CC2D1B: variants seen among roughly 807,000 people sequenced by gnomAD.
The protein encoded by CC2D1B is coiled-coil and C2 domain containing 1B, also known as coiled-coil and C2 domain-containing protein 1B.
A neutral mutation model predicts 110.8 loss-of-function variants in CC2D1B; 92 were observed. The ratio of observed to expected loss-of-function variants is 0.83; its 90% CI spans 0.70 to 0.99. CC2D1B has a LOEUF of 0.99. CC2D1B is among the 50% of genes least tolerant of loss of function. CC2D1B has a pLI of 0.00. For synonymous variants in CC2D1B, 406 were observed against 429.2 expected (o/e 0.95, Z 0.67); for missense variants, 1,136 against 1,089.0 (o/e 1.04, Z -0.61).
chr1:52,357,679 C>A lies in CC2D1B; in HGVS notation c.1599G>T (p.Leu533=). Residue 533 remains leucine (L), a synonymous_variant, in exon 15 of 25, where the codon CTG becomes CTT. Coordinates refer to ENST00000284376, the MANE Select transcript of CC2D1B (RefSeq NM_001330585.2). The stretch of plus-strand genomic sequence containing the variant: ...GATACTGCAGTTTCCGTGCCTCCAG[C>A]AGTGCCAGCTGCTCCCGCACTGAAG... ...PSPSVREQLA[L]LEARKLQYQR... The A allele has an allele frequency of 6.2e-7, 1 of 1,604,952 alleles. No homozygotes were observed. Among genetic ancestry groups the A allele is most frequent in the Non-Finnish European group, 8.5e-7 (1 of 1,175,700 alleles).
intron 16 of CC2D1B, 184 bp from the exon 17 acceptor site, chr1:52,356,626 TTTCTC>T (rs1291521018): frequency 1.5e-6 from 1 of 654,342 alleles, no homozygotes; most frequent in South Asian, 1.9e-5. Flanking sequence ...CTTTTGTCAT[TTTCTC>T]TTCTGAGGAG....
intron 2 of CC2D1B, among the ~76,000 whole-genome samples, chr1:52,363,551 T>C (rs1337389805): frequency 6.6e-6 from 1 of 152,228 alleles, no homozygotes; most frequent in African/African-American, 2.4e-5. Flanking sequence ...TCCACAGAAC[T>C]GTTTTCATGT....
intron 15 of CC2D1B, 108 bp from the exon 16 acceptor site, chr1:52,357,234 T>G: frequency 7.5e-7 from 1 of 1,338,098 alleles, no homozygotes; most frequent in Non-Finnish European, 1.0e-6. Context: ...TCTACTAAAG[T>G]CCAGTGATGA....
chr1:52,362,486 G>A, intron 3 of CC2D1B, 116 bp downstream of exon 3: 4 of 1,245,496 alleles, frequency 3.2e-6, no homozygotes, highest in Non-Finnish European at 4.6e-6. Flanking sequence ...CGGCAGATGG[G>A]TATTGGAAGG....
chr1:52,354,507 TTAAG>T, intron 23 of CC2D1B, 97 bp downstream of exon 23: 1 of 972,208 alleles, frequency 1.0e-6, no homozygotes, highest in Non-Finnish European at 1.7e-6. Context: ...GAATTTCAAA[TTAAG>T]TAATGAGCAC....
At position 52,354,826 on chromosome 1, in the gene CC2D1B, G is replaced by A. The variant is rs374849367; in HGVS notation, c.2339+14C>T. ...TCCCGGCCCGTGTGGCAGCATGACC[G>A]ATAGGAGCCTCACCCTTTGTGGAAG... On this transcript the variant is annotated intron_variant, in intron 22 of 24. Coordinates refer to ENST00000284376, the MANE Select transcript of CC2D1B (RefSeq NM_001330585.2). 165 of 1,611,976 alleles carry A rather than the reference G, an allele frequency of 1.0e-4. No homozygotes were observed. Among genetic ancestry groups the A allele is most frequent in the South Asian group, 1.9e-4 (17 of 91,040 alleles).
intron 8 of CC2D1B, 30 bp from the exon 9 acceptor site, chr1:52,359,564 G>A (rs1405856717): frequency 6.2e-7 from 1 of 1,609,512 alleles, no homozygotes; most frequent in South Asian, 1.1e-5. Flanking sequence ...AGGTGTGGGT[G>A]AAAGACAGGG....
chr1:52,362,853 C>CT, intron 2 of CC2D1B, 107 bp from the exon 3 acceptor site: 1 of 1,108,072 alleles, frequency 9.0e-7, no homozygotes, highest in African/African-American at 1.6e-5. Context: ...CTCCTTCAGT[C>CT]TGTGAGGCCC....
At position 52,354,633 on chromosome 1, in the gene CC2D1B, T is replaced by A. The variant is rs773135163; in HGVS notation, c.2405A>T (p.Glu802Val). ...CTCCACAATTTCTCTGATCTCACAC[T>A]CATTCTCCAGCCGCTCCAGTTTCAG... Reference protein sequence around the residue: ...AHLKLERLENECEIREIVEVL... With the variant: ...AHLKLERLENVCEIREIVEVL... The change falls in exon 23 of 25, where the codon GAG (glutamate) becomes GTG (valine). Residue 802 changes from glutamate (E) to valine (V), a missense_variant. By Grantham distance (121) the Glu-to-Val change is moderately radical. Coordinates refer to ENST00000284376, the MANE Select transcript of CC2D1B (RefSeq NM_001330585.2). 19 of 1,614,202 alleles carry A rather than the reference T, an allele frequency of 1.2e-5. No individual in the cohort carries two copies. The South Asian group carries it at 1.8e-4, about 15-fold the overall frequency.
rs749316468 is a variant in CC2D1B at position 52,355,358 on chromosome 1, ACT to A, written c.2239+38_2239+39del. ...CTGGAAACACCAGTGCTGCCCACAC[ACT>A]CTGAGGGAGGAGAAAGAGGCCCACG... On this transcript the variant is annotated intron_variant, in intron 21 of 24. Coordinates refer to ENST00000284376, the MANE Select transcript of CC2D1B (RefSeq NM_001330585.2). 3.1e-6 allele frequency: 5 copies of A among 1,607,004 alleles called. No individual in the cohort carries two copies. The African/African-American group carries it at 6.7e-5, about 22-fold the overall frequency.
rs1244456257 is a variant in CC2D1B, at chr1:52,352,652, T to C, written c.*573A>G. The C allele has an allele frequency of 6.6e-6, 1 of 152,554 alleles. No individual in the cohort carries two copies. The highest frequency in any genetic ancestry group is 6.5e-5 in the Admixed American group (1 of 15,272). 9.5% of individuals were successfully genotyped at this position (152,554 alleles called of 1,614,324 possible). A position where few individuals can be genotyped will look rare whatever the true frequency, so the allele number is the denominator to read the frequency against. On this transcript the variant is annotated 3_prime_UTR_variant, in exon 25 of 25. Coordinates refer to ENST00000284376, the MANE Select transcript of CC2D1B (RefSeq NM_001330585.2). Reference sequence around the variant, plus strand: ...CCCACCAAGTAGTACCAAAAACAACTTTCCCCCTCCACTAAGTCCTTAGGG... The same window carrying C: ...CCCACCAAGTAGTACCAAAAACAACCTTCCCCCTCCACTAAGTCCTTAGGG...
rs1220768981 is a variant in CC2D1B at position 52,352,642 on chromosome 1, C to CA, written c.*582dup. 2.0e-5 allele frequency: 3 copies of CA among 152,468 alleles called. No individual in the cohort carries two copies. Among genetic ancestry groups the CA allele is most frequent in the African/African-American group, 7.3e-5 (3 of 41,374 alleles). The allele number at this position is 152,468 out of a possible 1,614,324, so 9.4% of individuals were successfully genotyped here. ...CCCCTTACTTCCCACCAAGTAGTAC[C>CA]AAAAACAACTTTCCCCCTCCACTAA... On this transcript the variant is annotated 3_prime_UTR_variant, in exon 25 of 25. Coordinates refer to ENST00000284376, the MANE Select transcript of CC2D1B (RefSeq NM_001330585.2).
rs1306631110 is a variant in CC2D1B at position 52,355,419 on chromosome 1, C to G, written c.2218G>C (p.Val740Leu). 6.2e-7 allele frequency: 1 copy of G among 1,614,138 alleles called. No homozygotes were observed. ...DQAQKSKTAV[V>L]KNTNSPEFDQ... Reference sequence around the variant, plus strand: ...TCACCTGGAGAGTTTGTGTTCTTCACCACAGCTGTTTTGCTTTTTTGAGCC... The same window carrying G: ...TCACCTGGAGAGTTTGTGTTCTTCAGCACAGCTGTTTTGCTTTTTTGAGCC... Residue 740 changes from valine to leucine, a missense_variant, in exon 21 of 25, where the codon GTG becomes CTG. Transcript: ENST00000284376.
chr1:52,358,981 AG>A (rs1257880094), intron 11 of CC2D1B, 45 bp downstream of exon 11: 3 of 1,593,144 alleles, frequency 1.9e-6, no homozygotes, highest in Non-Finnish European at 1.7e-6. Flanking sequence ...GCACCCAGCC[AG>A]GGAAGAGGCC....
chr1:52,358,607 G>A, intron 12 of CC2D1B, 79 bp downstream of exon 12: 1 of 1,568,900 alleles, frequency 6.4e-7, no homozygotes, highest in Non-Finnish European at 8.8e-7. Flanking sequence ...ATGAGAAGTG[G>A]GAATCACTGG....
chr1:52,362,092 G>A lies in CC2D1B; in HGVS notation c.215-476C>T, dbSNP rs926748702. 3.3e-5 allele frequency among the ~76,000 whole-genome samples: 5 copies of A among 152,286 alleles called. No homozygotes were observed. The East Asian group carries it at 9.7e-4, about 29-fold the overall frequency. ...TGCCACCCCAAGGCAGGAGCAGTGA[G>A]CCCCTTCCTAGGTCCTCCCATTATC... On this transcript the variant is annotated intron_variant, in intron 3 of 24. Coordinates refer to ENST00000284376, the MANE Select transcript of CC2D1B (RefSeq NM_001330585.2).
chr1:52,363,619 C>T (rs529503036), intron 2 of CC2D1B, among the ~76,000 whole-genome samples: 49 of 152,194 alleles, frequency 3.2e-4, no homozygotes, highest in African/African-American at 1.1e-3. Context: ...CTCCTTCCAG[C>T]CTCTGGTAAG....
Position 52,356,226 on chromosome 1 carries a change from G to C in CC2D1B, c.2014C>G (p.Pro672Ala), listed in dbSNP as rs149668107. The change falls in exon 18 of 25, where the codon CCC becomes GCC. Residue 672 changes from proline to alanine, a missense_variant. Physicochemically the swap from Pro to Ala is conservative, Grantham distance 27. Transcript: ENST00000284376. ...QLAQAQGLDP[P>A]THHFELKTFQ... ...GTCTTCAACTCAAAGTGGTGGGTGG[G>C]AGGGTCGAGGCCCTGAGCCTGGGCC... 7.9e-5 allele frequency: 127 copies of C among 1,611,020 alleles called. No homozygotes were observed. The highest frequency in any genetic ancestry group is 1.0e-4 in the Non-Finnish European group (118 of 1,177,574).
chr1:52,358,861 A>T (rs1333650751), intron 11 of CC2D1B, 103 bp from the exon 12 acceptor site: 16 of 1,431,708 alleles, frequency 1.1e-5, no homozygotes, highest in Non-Finnish European at 1.5e-5. Flanking sequence ...TGGTGGGAAG[A>T]CAGCAGCCCT....
Sources: allele counts gnomAD v4.1 joint callset (sites outside exome capture counted in the v4.1 genomes callset), GRCh38; gene constraint gnomAD v4.1.1; transcripts MANE v1.5; gene names NCBI Gene and HGNC (gene_info 2026-07-23, HGNC 2026-07-21).